Variants in NCAM2 observed in about 807,000 individuals in gnomAD.
The protein encoded by NCAM2 is N-CAM-2.
A neutral mutation model predicts 98.1 loss-of-function variants in NCAM2; 30 were observed. The ratio of observed to expected loss-of-function variants is 0.31; its 90% CI spans 0.23 to 0.41. NCAM2 has a LOEUF of 0.41. Among genes scored for constraint, NCAM2 ranks in the 10% least tolerant of loss-of-function variants. The pLI is 1.00. For synonymous variants in NCAM2, 368 were observed against 342.4 expected (o/e 1.07, Z -0.83); for missense variants, 867 against 1,005.8 (o/e 0.86, Z 1.87).
At chr21:21,128,689 A>T (rs1256047122) in intron 1 of NCAM2, among the ~76,000 whole-genome samples, 2 of 152,156 alleles carry the variant, frequency 1.3e-5, no homozygotes, top group Non-Finnish European at 2.9e-5. Flanking sequence ...ATAAAATATA[A>T]AATAATTGGG....
chr21:21,096,831 G>T (rs557852843), intron 1 of NCAM2, among the ~76,000 whole-genome samples: 1 of 151,154 alleles, frequency 6.6e-6, no homozygotes, highest in African/African-American at 2.4e-5. Context: ...TAGTTTTTTT[G>T]TTGGCGTTAC....
chr21:21,455,838 A>G (rs568084879), intron 12 of NCAM2, among the ~76,000 whole-genome samples: 14 of 152,048 alleles, frequency 9.2e-5, no homozygotes, highest in Admixed American at 2.6e-4. Flanking sequence ...GAAGGTTTTT[A>G]TGGCTTGAAT....
At chr21:21,322,959 G>A (rs1384952424) in intron 5 of NCAM2, among the ~76,000 whole-genome samples, 1 of 152,076 alleles carries the variant, frequency 6.6e-6, no homozygotes, top group Non-Finnish European at 1.5e-5. Context: ...GTTCCTTCCA[G>A]CTAAAGAAAA....
At chr21:21,356,401 T>A (rs2147968507) in intron 8 of NCAM2, among the ~76,000 whole-genome samples, 1 of 152,256 alleles carries the variant, frequency 6.6e-6, no homozygotes, top group Non-Finnish European at 1.5e-5. Flanking sequence ...GCCAGGTTTA[T>A]TGGAAGACAG....
intron 8 of NCAM2, among the ~76,000 whole-genome samples, chr21:21,369,548 C>T (rs2075866584): frequency 1.3e-5 from 2 of 151,854 alleles, no homozygotes; most frequent in Admixed American, 1.3e-4. Flanking sequence ...AAAACATCTG[C>T]ACCATTTTAC....
At chr21:21,334,943 C>G (rs1434753525) in intron 6 of NCAM2, among the ~76,000 whole-genome samples, 1 of 151,976 alleles carries the variant, frequency 6.6e-6, no homozygotes, top group Non-Finnish European at 1.5e-5. Context: ...ATAAAATTAT[C>G]ACATTCAAAA....
At chr21:21,105,471 G>T (rs2146504885) in intron 1 of NCAM2, among the ~76,000 whole-genome samples, 1 of 152,186 alleles carries the variant, frequency 6.6e-6, no homozygotes, top group East Asian at 1.9e-4. Flanking sequence ...GTTCTGCGAT[G>T]CAATGGAAGA....
chr21:21,023,408 C>T (rs1454981135), intron 1 of NCAM2, among the ~76,000 whole-genome samples: 1 of 151,734 alleles, frequency 6.6e-6, no homozygotes, highest in Admixed American at 6.6e-5. Context: ...CCTGTAATCC[C>T]AGCCACTCTG....
chr21:21,258,333 G>A (rs982677512), intron 1 of NCAM2, among the ~76,000 whole-genome samples: 1 of 152,128 alleles, frequency 6.6e-6, no homozygotes, highest in African/African-American at 2.4e-5. Flanking sequence ...TCAGGACAAA[G>A]ATCAAAGTGA....
At chr21:21,012,480 C>T (rs2064229868) in intron 1 of NCAM2, among the ~76,000 whole-genome samples, 1 of 151,926 alleles carries the variant, frequency 6.6e-6, no homozygotes, top group Non-Finnish European at 1.5e-5. Flanking sequence ...TTCAAAATGG[C>T]TTAAAAATAA....
At chr21:21,240,146 T>C (rs1394562392) in intron 1 of NCAM2, among the ~76,000 whole-genome samples, 1 of 152,108 alleles carries the variant, frequency 6.6e-6, no homozygotes, top group Non-Finnish European at 1.5e-5. Context: ...ACTGAAGAAA[T>C]GTTAAGAGCA....
chr21:21,276,398 G>C (rs1316925982), intron 1 of NCAM2, among the ~76,000 whole-genome samples: 2 of 151,902 alleles, frequency 1.3e-5, no homozygotes, highest in African/African-American at 4.8e-5. Context: ...GCACTTCTTT[G>C]GGAATTATTC....
intron 12 of NCAM2, among the ~76,000 whole-genome samples, chr21:21,449,246 G>C (rs533028775): frequency 6.6e-6 from 1 of 151,736 alleles, no homozygotes; most frequent in South Asian, 2.1e-4. Context: ...ACAAATAAAT[G>C]ATATTAATTT....
chr21:21,257,327 C>T (rs184793939), intron 1 of NCAM2, among the ~76,000 whole-genome samples: 8 of 152,160 alleles, frequency 5.3e-5, no homozygotes, highest in East Asian at 1.9e-4. Flanking sequence ...AAGTAAAGAA[C>T]GAAATAAACT....
At chr21:21,410,889 C>G (rs2076843136) in intron 10 of NCAM2, among the ~76,000 whole-genome samples, 1 of 148,128 alleles carries the variant, frequency 6.8e-6, no homozygotes, top group African/African-American at 2.5e-5. Flanking sequence ...TGCCTATAGC[C>G]CCAGCTACTC....
At chr21:21,249,881 G>A (rs185566771) in intron 1 of NCAM2, among the ~76,000 whole-genome samples, 2 of 152,146 alleles carry the variant, frequency 1.3e-5, no homozygotes, top group East Asian at 3.9e-4. Flanking sequence ...AAAATATGAC[G>A]TCTGATTTAG....
intron 9 of NCAM2, among the ~76,000 whole-genome samples, chr21:21,388,803 A>C (rs17204018): frequency 0.062 from 9,469 of 152,240 alleles, 427 homozygotes; most frequent in East Asian, 0.2. Flanking sequence ...CCCAATACAA[A>C]TCTAGTGGCT....
intron 9 of NCAM2, among the ~76,000 whole-genome samples, chr21:21,383,151 C>A (rs553199253): frequency 1.1e-4 from 16 of 152,180 alleles, no homozygotes; most frequent in Admixed American, 2.0e-4. Context: ...TTATGTTGTG[C>A]ATTCTCTGTA....
At chr21:21,028,753 T>C (rs1487293467) in intron 1 of NCAM2, among the ~76,000 whole-genome samples, 4 of 152,206 alleles carry the variant, frequency 2.6e-5, no homozygotes. Context: ...TATATTCTAA[T>C]ACTCTTCTGT....
Sources: gnomAD v4.1 joint callset for allele counts (sites outside exome capture counted in the v4.1 genomes callset) on GRCh38, gnomAD v4.1.1 for gene constraint, MANE v1.5 for transcripts, NCBI Gene and HGNC (gene_info 2026-07-23, HGNC 2026-07-21) for gene names.